Variants in PCDHGA4 observed in about 807,000 individuals in gnomAD.
PCDHGA4 encodes protocadherin gamma subfamily A, 4.
Under a neutral mutation model 54.6 loss-of-function variants are expected in PCDHGA4, and 38 were observed. The observed-to-expected ratio is 0.70, with a 90% CI of 0.54 to 0.91. PCDHGA4 has a LOEUF of 0.91. Ranked by LOEUF, PCDHGA4 falls within the 40% of genes least tolerant of loss-of-function variation. The pLI is 0.00. For synonymous variants in PCDHGA4, 511 were observed against 512.9 expected (o/e 1.00, Z 0.05); for missense variants, 1,298 against 1,220.9 (o/e 1.06, Z -0.94).
chr5:141,383,324 T>C (rs750393068), intron 1 of PCDHGA4: 2 of 1,613,904 alleles, frequency 1.2e-6, no homozygotes, highest in African/African-American at 1.3e-5. Flanking sequence ...AATGTAAAAA[T>C]AATGGAGAAT....
At position 141,410,085 on chromosome 5, in the gene PCDHGA4, C is replaced by G; in HGVS notation, c.2514+52464C>G. 3 of 1,612,476 alleles carry G rather than the reference C, an allele frequency of 1.9e-6. No homozygotes were observed. In the South Asian group the frequency reaches 3.3e-5, roughly 18 times the overall value. On this transcript the variant is annotated intron_variant, in intron 1 of 3. Transcript: ENST00000571252. Reference sequence around the variant, plus strand: ...GGGCTGCGCACTGGGGAGGTGCGCACGGCTCGAGCCTTAGGCGACAGGGAC... The same window carrying G: ...GGGCTGCGCACTGGGGAGGTGCGCAGGGCTCGAGCCTTAGGCGACAGGGAC...
intron 1 of PCDHGA4, chr5:141,395,256 T>G: frequency 6.4e-7 from 1 of 1,554,392 alleles, no homozygotes; most frequent in East Asian, 2.3e-5. Flanking sequence ...AGTTCTTTGC[T>G]TGCTTTTAAT....
At chr5:141,470,942 C>T (rs1156728317) in intron 1 of PCDHGA4, among the ~76,000 whole-genome samples, 1 of 152,020 alleles carries the variant, frequency 6.6e-6, no homozygotes, top group Non-Finnish European at 1.5e-5. Context: ...GTCTCAAATT[C>T]CTGGCCTCAA....
chr5:141,396,662 G>C (rs1589287769), intron 1 of PCDHGA4: 1 of 151,614 alleles, frequency 6.6e-6, no homozygotes, highest in Admixed American at 6.6e-5. Context: ...ACTCGGTATA[G>C]GCTATCCATT....
intron 1 of PCDHGA4, chr5:141,399,103 C>CA (rs755732381): frequency 6.2e-7 from 1 of 1,613,604 alleles, no homozygotes; most frequent in African/African-American, 1.3e-5. Context: ...ACTGGTTGCA[C>CA]AATGTACAGT....
At chr5:141,359,917 CT>C in intron 1 of PCDHGA4, 1 of 436,538 alleles carries the variant, frequency 2.3e-6, no homozygotes, top group Non-Finnish European at 4.0e-6. Context: ...GTGCAGTTTC[CT>C]GAGAAAACCT....
In PCDHGA4 at chr5:141,357,632, C is replaced by A; in HGVS notation, c.2514+11C>A. The A allele has an allele frequency of 6.2e-7, 1 of 1,612,944 alleles. No individual in the cohort carries two copies. The highest frequency in any genetic ancestry group is 2.2e-5 in the East Asian group (1 of 44,882). ...GACCCTAATCTTCAGGTGAGTCAAT[C>A]TTATAATAGATCATACCACACTGAA... On this transcript the variant is annotated intron_variant, in intron 1 of 3. Coordinates refer to ENST00000571252, the MANE Select transcript of PCDHGA4 (RefSeq NM_018917.4).
At chr5:141,371,840 A>G (rs1768098809) in intron 1 of PCDHGA4, 6 of 1,613,642 alleles carry the variant, frequency 3.7e-6, no homozygotes, top group Non-Finnish European at 5.1e-6. Flanking sequence ...CCGACTTGGG[A>G]CCTAATGGCC....
At chr5:141,411,880 A>G (rs1030232942) in intron 1 of PCDHGA4, 2 of 152,240 alleles carry the variant, frequency 1.3e-5, no homozygotes, top group African/African-American at 4.8e-5. Flanking sequence ...GACATTTCTA[A>G]GAAATAAATG....
At position 141,490,027 on chromosome 5, in the gene PCDHGA4, C is replaced by T. The variant is rs767829552; in HGVS notation, c.2515-4780C>T. Reference sequence around the variant, plus strand: ...TGCACCCATTGGTACTCTGCTGCTCCGCCTCAATGCCACTGATCCAGACGA... The same window carrying T: ...TGCACCCATTGGTACTCTGCTGCTCTGCCTCAATGCCACTGATCCAGACGA... On this transcript the variant is annotated intron_variant, in intron 1 of 3. Coordinates refer to ENST00000571252, the MANE Select transcript of PCDHGA4 (RefSeq NM_018917.4). This position sits in a 1 kb window ranked among gnomAD's most constrained non-coding sequence, Gnocchi z 5.4. The T allele has an allele frequency of 2.4e-5, 39 of 1,614,096 alleles. No homozygotes were observed. The highest frequency in any genetic ancestry group is 4.0e-5 in the African/African-American group (3 of 74,942).
At chr5:141,386,206 G>A (rs931130731) in intron 1 of PCDHGA4, among the ~76,000 whole-genome samples, 2 of 152,116 alleles carry the variant, frequency 1.3e-5, no homozygotes, top group East Asian at 3.9e-4. Context: ...ACCAGTAGTT[G>A]ATTTTATTTA....
intron 1 of PCDHGA4, among the ~76,000 whole-genome samples, chr5:141,484,306 C>T (rs1009067603): frequency 6.6e-6 from 1 of 152,184 alleles, no homozygotes; most frequent in African/African-American, 2.4e-5. Context: ...GCTTCCTCCA[C>T]CCCGCTTCCA....
intron 1 of PCDHGA4, among the ~76,000 whole-genome samples, chr5:141,463,117 A>G (rs2099053039): frequency 6.6e-6 from 1 of 152,196 alleles, no homozygotes; most frequent in African/African-American, 2.4e-5. Context: ...TTCAGCTAAT[A>G]GCTCCCTGGC....
At chr5:141,499,019 AGGAAGGAAGAAAAG>A (rs2099788655) in intron 2 of PCDHGA4, among the ~76,000 whole-genome samples, 1 of 150,840 alleles carries the variant, frequency 6.6e-6, no homozygotes, top group Non-Finnish European at 1.5e-5. Flanking sequence ...GAAGGAAGGA[AGGAAGGAAGAAAAG>A]AAAGAAAAAG....
At chr5:141,510,626 AGGTG>A (rs2099882005) in intron 3 of PCDHGA4, among the ~76,000 whole-genome samples, 1 of 152,144 alleles carries the variant, frequency 6.6e-6, no homozygotes, top group Admixed American at 6.5e-5. Context: ...AAACCAGAAG[AGGTG>A]GTTACCATTA....
At chr5:141,357,763 C>A in intron 1 of PCDHGA4, 142 bp downstream of exon 1, 1 of 1,007,524 alleles carries the variant, frequency 9.9e-7, no homozygotes, top group Non-Finnish European at 1.4e-6. Context: ...GGTGGATGAC[C>A]TTCCAATAAT....
intron 1 of PCDHGA4, chr5:141,385,074 G>T: frequency 1.2e-6 from 2 of 1,614,192 alleles, no homozygotes; most frequent in African/African-American, 1.3e-5. Context: ...CACGCCTGCT[G>T]CAGGCTTCAG....
intron 1 of PCDHGA4, among the ~76,000 whole-genome samples, chr5:141,369,595 C>T (rs1362731201): frequency 6.6e-6 from 1 of 152,190 alleles, no homozygotes; most frequent in Non-Finnish European, 1.5e-5. Flanking sequence ...TACTATACTT[C>T]TATTTTATAA....
intron 1 of PCDHGA4, among the ~76,000 whole-genome samples, chr5:141,470,055 G>A (rs1432696943): frequency 1.3e-5 from 2 of 152,192 alleles, no homozygotes; most frequent in Non-Finnish European, 1.5e-5. Context: ...TTTGAACCCC[G>A]GAGGCAGAGA....
Sources: allele counts gnomAD v4.1 joint callset (sites outside exome capture counted in the v4.1 genomes callset), GRCh38; gene constraint gnomAD v4.1.1; non-coding constraint Gnocchi (gnomAD v3.1); transcripts MANE v1.5; gene names NCBI Gene and HGNC (gene_info 2026-07-23, HGNC 2026-07-21).